VKORC1L1: variants seen among roughly 807,000 people sequenced by gnomAD.
VKORC1L1 encodes vitamin K epoxide reductase complex subunit 1L1, also known as vitamin K epoxide reductase complex subunit 1-like protein 1.
In VKORC1L1, 2 loss-of-function variants were observed where a neutral mutation model predicts 18.9. That is an observed-to-expected ratio of 0.11 (90% CI 0.04 to 0.33). The LOEUF is 0.33. Among genes scored for constraint, VKORC1L1 ranks in the 10% least tolerant of loss-of-function variants. VKORC1L1 has a pLI of 1.00. For missense variants in VKORC1L1, 123 were observed against 224.1 expected (o/e 0.55, Z 2.88); for synonymous variants, 96 against 100.0 (o/e 0.96, Z 0.24).
chr7:65,884,465 C>A (rs925788590), intron 1 of VKORC1L1, among the ~76,000 whole-genome samples: 3 of 151,976 alleles, frequency 2.0e-5, no homozygotes, highest in African/African-American at 7.3e-5. Flanking sequence ...GGTGAAACCC[C>A]GTCTCTACTA....
intron 1 of VKORC1L1, among the ~76,000 whole-genome samples, chr7:65,920,321 C>G (rs1789654459): frequency 6.6e-6 from 1 of 152,050 alleles, no homozygotes; most frequent in African/African-American, 2.4e-5. Context: ...TTATTGTGTT[C>G]CCATCACCTG....
At chr7:65,882,575 TTTAA>T (rs1228055920) in intron 1 of VKORC1L1, among the ~76,000 whole-genome samples, 1 of 152,160 alleles carries the variant, frequency 6.6e-6, no homozygotes, top group Non-Finnish European at 1.5e-5. Flanking sequence ...CATTTTATTT[TTTAA>T]TTAAAATTTT....
chr7:65,929,676 G>A (rs1562650660), intron 1 of VKORC1L1, among the ~76,000 whole-genome samples: 3 of 41,860 alleles, frequency 7.2e-5, no homozygotes, highest in African/African-American at 1.4e-4. Flanking sequence ...GTGTATGTGT[G>A]TGTGTGTATA....
chr7:65,947,451 C>T lies in VKORC1L1; in HGVS notation c.195-1220C>T, dbSNP rs545960906. Among the ~76,000 whole-genome samples the T allele has an allele frequency of 1.3e-3, 194 of 149,082 alleles. 1 individual carries two copies. Among genetic ancestry groups the T allele is most frequent in the African/African-American group, 4.5e-3 (183 of 40,514 alleles). ...TTTTTTAGTATTTAAGAAGCACTCTCGTTCAATCCAGAGTTAACATTATCT... is the reference window on the plus strand; with the variant it reads ...TTTTTTAGTATTTAAGAAGCACTCTTGTTCAATCCAGAGTTAACATTATCT... On this transcript the variant is annotated intron_variant, in intron 1 of 2. Transcript: ENST00000360768.
Position 65,873,355 on chromosome 7 carries a change from G to C in VKORC1L1, c.-17G>C. ...GAGGTGGAGGCGGAGGGAGGCGGCGGCGGCGGCGGCGGGAAGATGGCGGCT... is the reference window on the plus strand; with the variant it reads ...GAGGTGGAGGCGGAGGGAGGCGGCGCCGGCGGCGGCGGGAAGATGGCGGCT... On this transcript the variant is annotated 5_prime_UTR_variant, in exon 1 of 3. Coordinates refer to ENST00000360768, the MANE Select transcript of VKORC1L1 (RefSeq NM_173517.6). 1 of 1,490,378 alleles carries C rather than the reference G, an allele frequency of 6.7e-7. No homozygotes were observed. Among genetic ancestry groups the C allele is most frequent in the Non-Finnish European group, 8.9e-7 (1 of 1,121,768 alleles). 92.3% of individuals were successfully genotyped at this position (1,490,378 alleles called of 1,614,324 possible).
intron 1 of VKORC1L1, among the ~76,000 whole-genome samples, chr7:65,907,269 C>T (rs762009818): frequency 2.0e-5 from 3 of 151,926 alleles, no homozygotes; most frequent in Non-Finnish European, 4.4e-5. Context: ...GGTGAAACCC[C>T]GTCTCTACTA....
At chr7:65,929,550 C>T (rs1160591031) in intron 1 of VKORC1L1, among the ~76,000 whole-genome samples, 1 of 151,740 alleles carries the variant, frequency 6.6e-6, no homozygotes, top group Non-Finnish European at 1.5e-5. Context: ...TATGTGTTCA[C>T]CAACTTTATT....
In VKORC1L1 at chr7:65,931,321, C is replaced by G. The variant is rs114651277; in HGVS notation, c.195-17350C>G. ...AGATTGTGTACAATTGGTATTACTT[C>G]GTATATATTTGGTAGAATTTGCCAG... On this transcript the variant is annotated intron_variant, in intron 1 of 2. Coordinates refer to ENST00000360768, the MANE Select transcript of VKORC1L1 (RefSeq NM_173517.6). Among the ~76,000 whole-genome samples the G allele has an allele frequency of 5.9e-3, 892 of 152,004 alleles. 4 individuals are homozygous for G. The highest frequency in any genetic ancestry group is 0.021 in the African/African-American group (853 of 41,452).
chr7:65,904,623 G>T (rs1220954930), intron 1 of VKORC1L1, among the ~76,000 whole-genome samples: 2 of 152,102 alleles, frequency 1.3e-5, no homozygotes, highest in African/African-American at 2.4e-5. Flanking sequence ...AATTAAAGAG[G>T]TATAGCTAAT....
intron 1 of VKORC1L1, among the ~76,000 whole-genome samples, chr7:65,940,479 A>G (rs1030961543): frequency 7.9e-5 from 12 of 152,174 alleles, no homozygotes; most frequent in Non-Finnish European, 1.8e-4. Flanking sequence ...CAAGTAAAGT[A>G]AACCAAGGAG....
rs200692678 is a variant in VKORC1L1, at chr7:65,922,290, T to TC, written c.195-26380dup. Among the ~76,000 whole-genome samples the TC allele has an allele frequency of 4.6e-5, 7 of 151,652 alleles. No homozygotes were observed. The South Asian group carries it at 8.3e-4, about 18-fold the overall frequency. ...GGATCATGTTCCTTTTTTTTTTTTTTCTTGAGACAGAGTCTTGCTCTGTCA... is the reference window on the plus strand; with the variant it reads ...GGATCATGTTCCTTTTTTTTTTTTTTCCTTGAGACAGAGTCTTGCTCTGTCA... On this transcript the variant is annotated intron_variant, in intron 1 of 2. Coordinates refer to ENST00000360768, the MANE Select transcript of VKORC1L1 (RefSeq NM_173517.6).
rs1790326679 is a variant in VKORC1L1 at position 65,957,919 on chromosome 7, C to T, written c.*3619C>T. On this transcript the variant is annotated 3_prime_UTR_variant, in exon 3 of 3. Coordinates refer to ENST00000360768, the MANE Select transcript of VKORC1L1 (RefSeq NM_173517.6). Reference sequence around the variant, plus strand: ...ACTATTTGCAAAAGTACAGAGTTATCTTCAGCAATTACTTCACAACTTAGA... The same window carrying T: ...ACTATTTGCAAAAGTACAGAGTTATTTTCAGCAATTACTTCACAACTTAGA... 1 of 141,002 alleles carries T rather than the reference C, an allele frequency of 7.1e-6. No individual in the cohort carries two copies. 8.7% of individuals were successfully genotyped at this position (141,002 alleles called of 1,614,324 possible).
In VKORC1L1 at chr7:65,930,366, G is replaced by C. The variant is rs200691728; in HGVS notation, c.195-18305G>C. Among the ~76,000 whole-genome samples the C allele has an allele frequency of 3.5e-4, 54 of 152,322 alleles. No homozygotes were observed. In the East Asian group the frequency reaches 7.1e-3, roughly 20 times the overall value. On this transcript the variant is annotated intron_variant, in intron 1 of 2. Coordinates refer to ENST00000360768, the MANE Select transcript of VKORC1L1 (RefSeq NM_173517.6). ...AGGTGTGCCCTGACTGGAAGTTGTT[G>C]GCGTGGAGGAGCTGGAAGCAAGGCT...
rs1307783065 is a variant in VKORC1L1, at chr7:65,957,356, C to G, written c.*3056C>G. 1.3e-5 allele frequency: 2 copies of G among 152,162 alleles called. No homozygotes were observed. Among genetic ancestry groups the G allele is most frequent in the South Asian group, 2.1e-4 (1 of 4,816 alleles). 9.4% of individuals were successfully genotyped at this position (152,162 alleles called of 1,614,324 possible). A position where few individuals can be genotyped will look rare whatever the true frequency, so the allele number is the denominator to read the frequency against. ...ATTAGCCAGGCGCAGTGGCACACCC[C>G]TGTAATCCCAGCTACTCGGGAGGCT... is the stretch of plus-strand genomic sequence containing the variant. On this transcript the variant is annotated 3_prime_UTR_variant, in exon 3 of 3. Transcript: ENST00000360768.
intron 1 of VKORC1L1, among the ~76,000 whole-genome samples, chr7:65,894,115 C>T (rs1394472111): frequency 1.3e-5 from 2 of 151,910 alleles, no homozygotes; most frequent in South Asian, 2.1e-4. Context: ...CTAGCACGCC[C>T]GACTAATTTT....
chr7:65,889,914 CTA>C (rs1484403840), intron 1 of VKORC1L1, among the ~76,000 whole-genome samples: 4 of 152,038 alleles, frequency 2.6e-5, no homozygotes, highest in Admixed American at 6.6e-5. Flanking sequence ...GAATAATACT[CTA>C]TTATGAATAT....
chr7:65,944,944 C>T (rs1439659221), intron 1 of VKORC1L1, among the ~76,000 whole-genome samples: 1 of 150,280 alleles, frequency 6.7e-6, no homozygotes, highest in African/African-American at 2.4e-5. Flanking sequence ...AACATTCTGG[C>T]TTACCATATT....
In VKORC1L1 at chr7:65,895,574, A is replaced by C. The variant is rs979523706; in HGVS notation, c.194+22009A>C. On this transcript the variant is annotated intron_variant, in intron 1 of 2. Transcript: ENST00000360768. Reference sequence around the variant, plus strand: ...TGAATTTAAAGTAATCCCAATTAATATCTCAATAGGCTTTTCAAAACTTGA... The same window carrying C: ...TGAATTTAAAGTAATCCCAATTAATCTCTCAATAGGCTTTTCAAAACTTGA... Among the ~76,000 whole-genome samples the C allele has an allele frequency of 3.4e-5, 5 of 146,648 alleles. No individual in the cohort carries two copies. The Admixed American group carries it at 3.5e-4, about 10-fold the overall frequency.
rs146255130 is a variant in VKORC1L1, at chr7:65,921,067, G to A, written c.195-27604G>A. 8.5e-3 allele frequency among the ~76,000 whole-genome samples: 1,293 copies of A among 151,998 alleles called. 7 individuals carry two copies. The highest frequency in any genetic ancestry group is 0.013 in the Admixed American group (192 of 15,252). ...TTTATTAGTATCTTTTACTTTGGGG[G>A]GGGTTTAACTGGCTGTTATTTTTGT... On this transcript the variant is annotated intron_variant, in intron 1 of 2. Transcript: ENST00000360768.
Sources: gnomAD v4.1 joint callset for allele counts (sites outside exome capture counted in the v4.1 genomes callset) on GRCh38, gnomAD v4.1.1 for gene constraint, MANE v1.5 for transcripts, NCBI Gene and HGNC (gene_info 2026-07-23, HGNC 2026-07-21) for gene names.